The following OSBP2 variants were observed in gnomAD, a reference collection of about 807,000 sequenced individuals.
OSBP2 encodes oxysterol-binding protein 2.
A neutral mutation model predicts 96.0 loss-of-function variants in OSBP2; 66 were observed. That is an observed-to-expected ratio of 0.69 (90% CI 0.56 to 0.84). The LOEUF (loss-of-function observed/expected upper bound fraction) is 0.84, where lower values mean the gene tolerates loss of function less well. Ranked by LOEUF, OSBP2 falls within the 40% of genes least tolerant of loss-of-function variation. OSBP2 has a pLI of 0.00. For synonymous variants in OSBP2, 525 were observed against 520.9 expected, an observed-to-expected ratio of 1.01 and a Z score of -0.11; for missense variants, 1,038 against 1,222.7, an observed-to-expected ratio of 0.85 and a Z score of 2.25.
intron 2 of OSBP2, among the ~76,000 whole-genome samples, chr22:30,755,764 C>A (rs1180664680): frequency 6.6e-6 from 1 of 152,190 alleles, no homozygotes; most frequent in African/African-American, 2.4e-5. Flanking sequence ...GAGGGGCAAA[C>A]CTGGCCCAGG....
chr22:30,894,670 G>T (rs1602432697), intron 12 of OSBP2, among the ~76,000 whole-genome samples: 1 of 152,326 alleles, frequency 6.6e-6, no homozygotes, highest in Admixed American at 6.5e-5. Context: ...TGTACCTGAA[G>T]ATAAAAATAA....
intron 2 of OSBP2, among the ~76,000 whole-genome samples, chr22:30,796,672 AT>A (rs1347185468): frequency 6.6e-6 from 1 of 151,906 alleles, no homozygotes; most frequent in Non-Finnish European, 1.5e-5. Flanking sequence ...AGCCCAGCTA[AT>A]TTTTATATTT....
At chr22:30,854,929 T>G (rs143495375) in intron 2 of OSBP2, among the ~76,000 whole-genome samples, 7 of 152,220 alleles carry the variant, frequency 4.6e-5, no homozygotes, top group Middle Eastern at 3.4e-3. Flanking sequence ...AACATGTCCT[T>G]CTTCACATGG....
At chr22:30,725,175 CAAAAACA>C (rs2089623365) in intron 1 of OSBP2, among the ~76,000 whole-genome samples, 1 of 120,912 alleles carries the variant, frequency 8.3e-6, no homozygotes, top group African/African-American at 3.0e-5. Flanking sequence ...GACTCTGTCT[CAAAAACA>C]AAAAAACAAA....
chr22:30,838,632 G>A (rs1275741500), intron 2 of OSBP2, among the ~76,000 whole-genome samples: 2 of 152,002 alleles, frequency 1.3e-5, no homozygotes. Context: ...AGTTGAGCAA[G>A]TTCCCTTTTA....
intron 8 of OSBP2, among the ~76,000 whole-genome samples, chr22:30,892,391 C>T (rs940325136): frequency 6.6e-6 from 1 of 151,910 alleles, no homozygotes; most frequent in Non-Finnish European, 1.5e-5. Context: ...GGAAGTGAGG[C>T]GAGGCACACT....
Position 30,744,494 on chromosome 22 carries a change from C to A in OSBP2, c.853+3125C>A, listed in dbSNP as rs572458832. 1.2e-4 allele frequency among the ~76,000 whole-genome samples: 19 copies of A among 152,286 alleles called. No individual in the cohort carries two copies. In the East Asian group the frequency reaches 3.5e-3, roughly 28 times the overall value. On this transcript the variant is annotated intron_variant, in intron 2 of 13. Transcript: ENST00000332585. Reference sequence around the variant, plus strand: ...TCTCTTGAAATCACCTGCTACTCCCCAGCTCTTTTGCCATGCCCTAATCCA... The same window carrying A: ...TCTCTTGAAATCACCTGCTACTCCCAAGCTCTTTTGCCATGCCCTAATCCA...
Position 30,889,586 on chromosome 22 carries a change from A to G in OSBP2, c.1573A>G (p.Ser525Gly). The G allele has an allele frequency of 6.2e-7, 1 of 1,614,056 alleles. No homozygotes were observed. The highest frequency in any genetic ancestry group is 8.5e-7 in the Non-Finnish European group (1 of 1,180,014). Reference protein sequence around the residue: ...NKPNYSLNLWSIMKNCIGREL... With the variant: ...NKPNYSLNLWGIMKNCIGREL... The stretch of plus-strand genomic sequence containing the variant: ...GCCCAACTACAGCCTTAACCTCTGG[A>G]GCATCATGAAGAACTGCATCGGCCG... Residue 525 changes from serine to glycine, a missense_variant, in exon 7 of 14, where the codon AGC (serine) becomes GGC (glycine). This residue lies in a region of OSBP2 where 737 missense variants were observed against 913.3 expected (regional missense o/e 0.81). Coordinates refer to ENST00000332585, the MANE Select transcript of OSBP2 (RefSeq NM_030758.4).
At chr22:30,888,136 G>T in intron 4 of OSBP2, 87 bp from the exon 5 acceptor site, 7 of 880,474 alleles carry the variant, frequency 8.0e-6, no homozygotes, top group Non-Finnish European at 1.3e-5. Context: ...CCAGATGGGG[G>T]TTGGGGGAGC....
chr22:30,715,045 A>T (rs929730185), intron 1 of OSBP2, among the ~76,000 whole-genome samples: 1 of 151,922 alleles, frequency 6.6e-6, no homozygotes, highest in Non-Finnish European at 1.5e-5. Context: ...ATTCCCACTG[A>T]AAATGTTTCT....
intron 8 of OSBP2, among the ~76,000 whole-genome samples, chr22:30,892,075 G>T (rs2039961197): frequency 6.6e-6 from 1 of 152,164 alleles, no homozygotes; most frequent in Non-Finnish European, 1.5e-5. Context: ...ACCCTCCACT[G>T]CGATGGAGGG....
At chr22:30,849,294 T>C (rs531230023) in intron 2 of OSBP2, among the ~76,000 whole-genome samples, 12 of 151,930 alleles carry the variant, frequency 7.9e-5, no homozygotes, top group Non-Finnish European at 1.8e-4. Context: ...AAGAAAGAAT[T>C]TAAAGAAAAG....
At chr22:30,860,290 G>T (rs1353298804) in intron 2 of OSBP2, among the ~76,000 whole-genome samples, 1 of 152,142 alleles carries the variant, frequency 6.6e-6, no homozygotes, top group Non-Finnish European at 1.5e-5. Flanking sequence ...AGATGGGTGG[G>T]TTGGGGTTTA....
chr22:30,846,057 G>A lies in OSBP2; in HGVS notation c.854-24372G>A, dbSNP rs576160292. On this transcript the variant is annotated intron_variant, in intron 2 of 13. Coordinates refer to ENST00000332585, the MANE Select transcript of OSBP2 (RefSeq NM_030758.4). Reference sequence around the variant, plus strand: ...GGATATATGTTTTCATTTTTCTTGGGTGTATACCTAGGAGTGGGATTGCTG... The same window carrying A: ...GGATATATGTTTTCATTTTTCTTGGATGTATACCTAGGAGTGGGATTGCTG... 1.4e-4 allele frequency among the ~76,000 whole-genome samples: 21 copies of A among 152,136 alleles called. No individual in the cohort carries two copies. The South Asian group carries it at 4.4e-3, about 32-fold the overall frequency.
At chr22:30,698,000 A>G (rs1386986294) in intron 1 of OSBP2, among the ~76,000 whole-genome samples, 2 of 152,102 alleles carry the variant, frequency 1.3e-5, no homozygotes, top group African/African-American at 4.8e-5. Context: ...TGGAATTGCC[A>G]CTTGAGATGT....
chr22:30,847,818 T>A (rs2038900849), intron 2 of OSBP2, among the ~76,000 whole-genome samples: 1 of 152,210 alleles, frequency 6.6e-6, no homozygotes. Context: ...AGATCTGTAG[T>A]GATTTCCCCT....
rs569242789 is a variant in OSBP2, at chr22:30,903,107, G to A, written c.2376-2730G>A. On this transcript the variant is annotated intron_variant, in intron 12 of 13. Coordinates refer to ENST00000332585, the MANE Select transcript of OSBP2 (RefSeq NM_030758.4). ...GAGGATCGGAGGTGGCCATGTGGGGGAGTCGTTTGGGCTGCGGTACTGCAT... is the reference window on the plus strand; with the variant it reads ...GAGGATCGGAGGTGGCCATGTGGGGAAGTCGTTTGGGCTGCGGTACTGCAT... 5.7e-4 allele frequency among the ~76,000 whole-genome samples: 87 copies of A among 152,306 alleles called. 1 individual carries two copies. In the South Asian group the frequency reaches 0.018, roughly 31 times the overall value.
chr22:30,877,284 G>A (rs774194803), intron 3 of OSBP2, among the ~76,000 whole-genome samples: 2 of 152,138 alleles, frequency 1.3e-5, no homozygotes, highest in Non-Finnish European at 2.9e-5. Flanking sequence ...TAGCAGATCC[G>A]TGCTTGAATT....
chr22:30,714,537 C>T (rs1458382839), intron 1 of OSBP2, among the ~76,000 whole-genome samples: 1 of 152,102 alleles, frequency 6.6e-6, no homozygotes, highest in Non-Finnish European at 1.5e-5. Flanking sequence ...ATGTTTTCAT[C>T]CTGCAAATAT....
Sources: allele counts gnomAD v4.1 joint callset (sites outside exome capture counted in the v4.1 genomes callset), GRCh38; gene constraint gnomAD v4.1.1; regional missense constraint gnomAD v4.1.1; transcripts MANE v1.5; gene names NCBI Gene and HGNC (gene_info 2026-07-23, HGNC 2026-07-21).